Variants in NEMF observed in about 807,000 individuals in gnomAD.
NEMF encodes the protein ribosome quality control complex subunit NEMF.
In NEMF, 89 loss-of-function variants were observed where a neutral mutation model predicts 162.2. That is an observed-to-expected ratio of 0.55 (90% CI 0.46 to 0.65). NEMF has a LOEUF of 0.65. NEMF is among the 30% of genes least tolerant of loss of function. The pLI is 0.00. For synonymous variants in NEMF, 421 were observed against 404.5 expected (o/e 1.04, Z -0.49); for missense variants, 1,133 against 1,261.9 (o/e 0.90, Z 1.55).
chr14:49,839,073 T>A lies in NEMF; in HGVS notation c.507-867A>T, dbSNP rs558646876. ...GTAATGCTGAAGCATGTTAATTTTT[T>A]TTTTTTTATTTTTTTTATTTTTGAG... On this transcript the variant is annotated intron_variant, in intron 5 of 32. Transcript: ENST00000298310. 1.2e-3 allele frequency among the ~76,000 whole-genome samples: 173 copies of A among 147,628 alleles called. 1 individual carries two copies. Among genetic ancestry groups the A allele is most frequent in the African/African-American group, 4.1e-3 (160 of 39,186 alleles).
At chr14:49,790,757 GGGTA>G (rs1263132433) in intron 26 of NEMF, among the ~76,000 whole-genome samples, 1 of 152,002 alleles carries the variant, frequency 6.6e-6, no homozygotes, top group African/African-American at 2.4e-5. Flanking sequence ...TGGGAGGTCT[GGGTA>G]GGTGGATCAC....
At chr14:49,805,455 G>T (rs1891142748) in intron 19 of NEMF, among the ~76,000 whole-genome samples, 1 of 151,544 alleles carries the variant, frequency 6.6e-6, no homozygotes, top group African/African-American at 2.4e-5. Context: ...TTAAGGTCAG[G>T]AATTCGAGAC....
rs202147754 is a variant in NEMF at position 49,785,082 on chromosome 14, A to C, written c.3073+10T>G. The C allele has an allele frequency of 3.7e-6, 6 of 1,606,888 alleles. No homozygotes were observed. In the African/African-American group the frequency reaches 4.0e-5, roughly 11 times the overall value. On this transcript the variant is annotated intron_variant, in intron 31 of 32. Transcript: ENST00000298310. ...TTAAAATCATAATTCAAAAAAACAA[A>C]TTTAAATACCTTTTCCCTTTTTCTG...
chr14:49,838,228 C>T (rs781304665), intron 5 of NEMF, 22 bp from the exon 6 acceptor site: 22 of 1,607,608 alleles, frequency 1.4e-5, no homozygotes, highest in Non-Finnish European at 1.9e-5. Context: ...AACGGACATG[C>T]CTCTATCATA....
Position 49,829,405 on chromosome 14 carries a change from A to T in NEMF, c.967T>A (p.Leu323Ile). ...LQQEKQALKKLDNVRKDHENR... is the reference protein window; with the variant it reads ...LQQEKQALKKIDNVRKDHENR... ...TCGTGATCCTTTCGAACATTATCTA[A>T]TTTCTTCAATGCTTGCTTTTCCTTT... Residue 323 changes from leucine (L) to isoleucine (I), a missense_variant, in exon 12 of 33, where the codon TTA becomes ATA. Transcript: ENST00000298310. The T allele has an allele frequency of 6.2e-7, 1 of 1,613,834 alleles. No individual in the cohort carries two copies. The highest frequency in any genetic ancestry group is 2.2e-5 in the East Asian group (1 of 44,876).
Position 49,795,892 on chromosome 14 carries a change from CT to C in NEMF, c.2517del (p.Glu840ArgfsTer29). On this transcript the variant is annotated frameshift_variant, in exon 26 of 33. Coordinates refer to ENST00000298310, the MANE Select transcript of NEMF (RefSeq NM_004713.6). LOFTEE classifies it high-confidence loss of function. The part of the protein sequence containing the change: ...LPSDSGDLEA[L>X]EGKDKEKEST... ...CTTTCTTTTTCTTTATCCTTTCCCT[CT>C]AACGCTTCTAAATCTCCTGAGTCAC... 1.9e-6 allele frequency: 3 copies of C among 1,612,688 alleles called. No individual in the cohort carries two copies. The highest frequency in any genetic ancestry group is 2.5e-6 in the Non-Finnish European group (3 of 1,179,272).
intron 29 of NEMF, 30 bp from the exon 30 acceptor site, chr14:49,785,350 C>T: frequency 6.9e-7 from 1 of 1,441,102 alleles, no homozygotes. Context: ...GTTACAAAGG[C>T]AATTTATACC....
Position 49,837,831 on chromosome 14 carries a change from A to C in NEMF, c.574+308T>G, listed in dbSNP as rs559548523. 1.8e-4 allele frequency among the ~76,000 whole-genome samples: 27 copies of C among 151,892 alleles called. No individual in the cohort carries two copies. In the East Asian group the frequency reaches 3.5e-3, roughly 20 times the overall value. On this transcript the variant is annotated intron_variant, in intron 6 of 32. Coordinates refer to ENST00000298310, the MANE Select transcript of NEMF (RefSeq NM_004713.6). The stretch of plus-strand genomic sequence containing the variant: ...CCCACCAATTAAAAAAAAAAAAAAA[A>C]AACCAAAAAAAAACTAAGCTAAGTG...
chr14:49,814,481 A>G (rs1038528390), intron 17 of NEMF, among the ~76,000 whole-genome samples: 11 of 152,196 alleles, frequency 7.2e-5, no homozygotes, highest in African/African-American at 2.7e-4. Context: ...TTGACCTACA[A>G]TAACTTTGAA....
intron 6 of NEMF, 69 bp downstream of exon 6, chr14:49,838,070 G>T (rs1237591759): frequency 1.4e-5 from 17 of 1,214,702 alleles, no homozygotes; most frequent in Non-Finnish European, 1.9e-5. Flanking sequence ...AACCATAAAA[G>T]ATTTCAATAT....
chr14:49,850,304 C>G (rs1893709884), intron 3 of NEMF, among the ~76,000 whole-genome samples: 1 of 152,090 alleles, frequency 6.6e-6, no homozygotes, highest in South Asian at 2.1e-4. Flanking sequence ...GCTGGGCTGG[C>G]CTTGAACTTC....
chr14:49,805,948 A>T, intron 19 of NEMF, 73 bp downstream of exon 19: 8 of 841,882 alleles, frequency 9.5e-6, no homozygotes, highest in South Asian at 1.7e-5. Context: ...TGCTTTATTT[A>T]CTTCTATACT....
intron 16 of NEMF, chr14:49,818,282 C>G (rs1258746274): frequency 6.6e-6 from 1 of 151,900 alleles, no homozygotes; most frequent in Non-Finnish European, 1.5e-5. Context: ...TTAGTAGAGA[C>G]GGGGTTTCAC....
At chr14:49,839,224 T>C (rs1462033504) in intron 5 of NEMF, among the ~76,000 whole-genome samples, 1 of 152,026 alleles carries the variant, frequency 6.6e-6, no homozygotes, top group Non-Finnish European at 1.5e-5. Context: ...ATTACAGGCA[T>C]GCACCACCAT....
At chr14:49,799,386 A>G in intron 25 of NEMF, 89 bp downstream of exon 25, 1 of 1,105,098 alleles carries the variant, frequency 9.0e-7, no homozygotes, top group Admixed American at 2.4e-5. Flanking sequence ...GGAAGTCTTT[A>G]AACAGCTAAG....
chr14:49,812,799 C>A (rs1392925630), intron 18 of NEMF, among the ~76,000 whole-genome samples: 2 of 144,312 alleles, frequency 1.4e-5, no homozygotes, highest in Admixed American at 6.9e-5. Context: ...TGTATTGAGG[C>A]TTTTTTTTTT....
chr14:49,851,043 A>C (rs192816150), intron 3 of NEMF, among the ~76,000 whole-genome samples: 1 of 152,102 alleles, frequency 6.6e-6, no homozygotes, highest in Non-Finnish European at 1.5e-5. Flanking sequence ...ATCTCTACTA[A>C]AAATAGAGAA....
At chr14:49,804,571 G>C (rs1891100519) in intron 19 of NEMF, among the ~76,000 whole-genome samples, 2 of 151,822 alleles carry the variant, frequency 1.3e-5, no homozygotes, top group African/African-American at 4.8e-5. Context: ...GGAGGTTGAA[G>C]CAGAGAATTG....
At chr14:49,813,935 A>G in intron 18 of NEMF, 53 bp downstream of exon 18, 2 of 1,080,380 alleles carry the variant, frequency 1.9e-6, no homozygotes, top group Admixed American at 1.8e-5. Context: ...CAGTCACACT[A>G]AAAATATTTT....
Sources: gnomAD v4.1 joint callset for allele counts (sites outside exome capture counted in the v4.1 genomes callset) on GRCh38, gnomAD v4.1.1 for gene constraint, MANE v1.5 for transcripts, NCBI Gene and HGNC (gene_info 2026-07-23, HGNC 2026-07-21) for gene names.